Variants in CPD observed in about 807,000 individuals in gnomAD.
CPD encodes carboxypeptidase D, also known as metallocarboxypeptidase D.
A neutral mutation model predicts 138.3 loss-of-function variants in CPD; 69 were observed. That is an observed-to-expected ratio of 0.50 (90% CI 0.41 to 0.61). The LOEUF (loss-of-function observed/expected upper bound fraction) is 0.61. Ranked by LOEUF, CPD falls within the 20% of genes least tolerant of loss-of-function variation. The pLI, the probability that CPD is intolerant of heterozygous loss-of-function variation, is 0.00. For missense variants in CPD, 1,432 were observed against 1,733.3 expected, an observed-to-expected ratio of 0.83 and a Z score of 3.09; for synonymous variants, 651 against 642.1, an observed-to-expected ratio of 1.01 and a Z score of -0.21.
At chr17:30,381,672 T>C (rs1224557213) in intron 1 of CPD, among the ~76,000 whole-genome samples, 2 of 152,184 alleles carry the variant, frequency 1.3e-5, no homozygotes, top group East Asian at 1.9e-4. Flanking sequence ...ACACACACAA[T>C]TTGATATTGA....
intron 2 of CPD, among the ~76,000 whole-genome samples, chr17:30,401,090 G>A (rs1189655206): frequency 6.6e-6 from 1 of 152,046 alleles, no homozygotes; most frequent in Non-Finnish European, 1.5e-5. Flanking sequence ...TTGTGCCATT[G>A]CCTTCTGGCC....
At chr17:30,442,261 T>C (rs1295256791) in intron 9 of CPD, 47 bp from the exon 10 acceptor site, 9 of 1,567,214 alleles carry the variant, frequency 5.7e-6, no homozygotes, top group Non-Finnish European at 7.8e-6. Flanking sequence ...GGATCTGAGC[T>C]GTTTAGAACT....
At chr17:30,401,462 CTCT>C (rs557066211) in intron 2 of CPD, among the ~76,000 whole-genome samples, 77 of 142,904 alleles carry the variant, frequency 5.4e-4, no homozygotes, top group Middle Eastern at 3.8e-3. Context: ...CTTCTTCTTC[CTCT>C]TCTTCTTCTT....
At chr17:30,456,421 T>C in intron 16 of CPD, 41 bp from the exon 17 acceptor site, 1 of 1,609,742 alleles carries the variant, frequency 6.2e-7, no homozygotes, top group Non-Finnish European at 8.5e-7. Flanking sequence ...GAGTTTCACC[T>C]TAAGGTCTTC....
chr17:30,402,151 T>G (rs767194843), intron 2 of CPD, among the ~76,000 whole-genome samples: 6 of 152,162 alleles, frequency 3.9e-5, no homozygotes, highest in Non-Finnish European at 5.9e-5. Context: ...ATTCTTCCAT[T>G]AAACCCATTC....
chr17:30,437,910 T>A (rs1000767974), intron 8 of CPD, among the ~76,000 whole-genome samples: 10 of 151,876 alleles, frequency 6.6e-5, no homozygotes, highest in Admixed American at 6.6e-4. Flanking sequence ...AATCATGGTT[T>A]ACTGCAGCCT....
intron 2 of CPD, among the ~76,000 whole-genome samples, chr17:30,419,492 A>G (rs1912208260): frequency 6.6e-6 from 1 of 152,160 alleles, no homozygotes; most frequent in Admixed American, 6.5e-5. Context: ...GGCACGTGCC[A>G]CCACACCCAG....
intron 13 of CPD, among the ~76,000 whole-genome samples, chr17:30,451,345 C>T (rs948948951): frequency 2.0e-5 from 3 of 152,158 alleles, no homozygotes; most frequent in African/African-American, 4.8e-5. Flanking sequence ...GTGTTGCGAA[C>T]TTACTCAACT....
In CPD at chr17:30,420,949, A is replaced by G. The variant is rs368820920; in HGVS notation, c.1103A>G (p.Asn368Ser). ...TCACAGCTTCGACAGGAATGGGAGAACAATCGTGAGTCTTTGATCACATTG... is the reference window on the plus strand; with the variant it reads ...TCACAGCTTCGACAGGAATGGGAGAGCAATCGTGAGTCTTTGATCACATTG... Reference protein sequence around the residue: ...PASQLRQEWENNRESLITLIE... With the variant: ...PASQLRQEWESNRESLITLIE... The change falls in exon 3 of 21, where the codon AAC (asparagine) becomes AGC (serine). Residue 368 changes from asparagine to serine, a missense_variant. Physicochemically the swap from Asn to Ser is conservative, Grantham distance 46. Coordinates refer to ENST00000225719, the MANE Select transcript of CPD (RefSeq NM_001304.5). The G allele has an allele frequency of 6.2e-7, 1 of 1,613,790 alleles. No homozygotes were observed. The highest frequency in any genetic ancestry group is 8.5e-7 in the Non-Finnish European group (1 of 1,179,832).
intron 2 of CPD, among the ~76,000 whole-genome samples, chr17:30,415,454 A>C (rs546793811): frequency 2.0e-5 from 3 of 152,322 alleles, no homozygotes; most frequent in African/African-American, 7.2e-5. Flanking sequence ...AAGGCAGCCT[A>C]CAGAAAGGAA....
At chr17:30,411,187 C>G (rs1027939090) in intron 2 of CPD, among the ~76,000 whole-genome samples, 1 of 152,130 alleles carries the variant, frequency 6.6e-6, no homozygotes, top group South Asian at 2.1e-4. Context: ...ATATTGGCCC[C>G]CACTCTCTTC....
intron 8 of CPD, among the ~76,000 whole-genome samples, chr17:30,432,209 C>T (rs1375812868): frequency 1.3e-5 from 2 of 152,186 alleles, no homozygotes; most frequent in Non-Finnish European, 2.9e-5. Context: ...GGAGCCAAAT[C>T]TTGCCCACCA....
rs755451558 is a variant in CPD, at chr17:30,456,526, G to A, written c.3498G>A (p.Lys1166=). ...AEWHSHLGSM[K]DYSVTYGHCP... ...GGCATAGTCACCTGGGCAGCATGAA[G>A]GTATGCTTTCTAGAACATGGTTAGA... Residue 1166 remains lysine, a splice_region_variant and synonymous_variant, in exon 17 of 21, where the codon AAG becomes AAA. Coordinates refer to ENST00000225719, the MANE Select transcript of CPD (RefSeq NM_001304.5). 6.2e-7 allele frequency: 1 copy of A among 1,613,694 alleles called. No homozygotes were observed. Among genetic ancestry groups the A allele is most frequent in the African/African-American group, 1.3e-5 (1 of 74,900 alleles).
chr17:30,460,100 A>C (rs1913429094), intron 17 of CPD, among the ~76,000 whole-genome samples: 1 of 152,194 alleles, frequency 6.6e-6, no homozygotes, highest in South Asian at 2.1e-4. Flanking sequence ...AGACACAAAA[A>C]ATTATATCTA....
intron 4 of CPD, among the ~76,000 whole-genome samples, chr17:30,422,457 A>T (rs141939168): frequency 6.6e-6 from 1 of 152,292 alleles, no homozygotes; most frequent in South Asian, 2.1e-4. Flanking sequence ...AGTGTGTGGT[A>T]CTTGAGAAGA....
At position 30,418,877 on chromosome 17, in the gene CPD, T is replaced by C. The variant is rs1912187736; in HGVS notation, c.995-1964T>C. The stretch of plus-strand genomic sequence containing the variant: ...TGTTCAGTTTTCTTCCTTGTACTTA[T>C]TCAAAATGGCATTGGTTAGAGTTCA... On this transcript the variant is annotated intron_variant, in intron 2 of 20. Coordinates refer to ENST00000225719, the MANE Select transcript of CPD (RefSeq NM_001304.5). 2.0e-5 allele frequency among the ~76,000 whole-genome samples: 3 copies of C among 152,192 alleles called. No homozygotes were observed. In the South Asian group the frequency reaches 6.2e-4, roughly 32 times the overall value.
intron 2 of CPD, among the ~76,000 whole-genome samples, chr17:30,419,790 G>A (rs569463469): frequency 1.3e-5 from 2 of 152,210 alleles, no homozygotes; most frequent in Non-Finnish European, 2.9e-5. Flanking sequence ...TATGACGGAA[G>A]CATATCTTTT....
intron 2 of CPD, among the ~76,000 whole-genome samples, chr17:30,402,702 A>G (rs968187144): frequency 6.6e-6 from 1 of 152,128 alleles, no homozygotes; most frequent in Non-Finnish European, 1.5e-5. Flanking sequence ...TTTCTTTATA[A>G]TATATTGAGC....
chr17:30,384,925 T>A (rs1911139600), intron 1 of CPD, 64 bp from the exon 2 acceptor site: 5 of 1,549,220 alleles, frequency 3.2e-6, no homozygotes, highest in Non-Finnish European at 4.3e-6. Flanking sequence ...TTTGTGGAAT[T>A]TTTTTAATGC....
Sources: gnomAD v4.1 joint callset for allele counts (sites outside exome capture counted in the v4.1 genomes callset) on GRCh38, gnomAD v4.1.1 for gene constraint, MANE v1.5 for transcripts, NCBI Gene and HGNC (gene_info 2026-07-23, HGNC 2026-07-21) for gene names.